Variants in PALS2 observed in about 807,000 individuals in gnomAD.
The protein encoded by PALS2 is protein associated with LIN7 2, MAGUK p55 family member, also known as protein PALS2.
Under a neutral mutation model 61.6 loss-of-function variants are expected in PALS2, and 27 were observed. The ratio of observed to expected loss-of-function variants is 0.44; its 90% CI spans 0.32 to 0.60. PALS2 has a LOEUF of 0.60. Among genes scored for constraint, PALS2 ranks in the 20% least tolerant of loss-of-function variants. PALS2 has a pLI of 0.05. For missense variants in PALS2, 554 were observed against 639.4 expected, an observed-to-expected ratio of 0.87 and a Z score of 1.44; for synonymous variants, 236 against 218.6, an observed-to-expected ratio of 1.08 and a Z score of -0.70.
At chr7:24,582,372 G>T (rs1290989927) in intron 1 of PALS2, among the ~76,000 whole-genome samples, 1 of 152,072 alleles carries the variant, frequency 6.6e-6, no homozygotes, top group Non-Finnish European at 1.5e-5. Flanking sequence ...CCAATCTGGT[G>T]ATATGGTGAG....
At chr7:24,581,059 G>T (rs1198987764) in intron 1 of PALS2, among the ~76,000 whole-genome samples, 1 of 152,142 alleles carries the variant, frequency 6.6e-6, no homozygotes, top group African/African-American at 2.4e-5. Flanking sequence ...TTTGAAATCA[G>T]TATAATTGGG....
intron 2 of PALS2, among the ~76,000 whole-genome samples, chr7:24,639,752 A>T (rs1785422817): frequency 7.2e-6 from 1 of 138,156 alleles, no homozygotes; most frequent in Admixed American, 7.2e-5. Flanking sequence ...TCTGGCTTGT[A>T]TTATATGTTC....
At chr7:24,625,383 T>C (rs886145595) in intron 2 of PALS2, among the ~76,000 whole-genome samples, 4 of 152,224 alleles carry the variant, frequency 2.6e-5, no homozygotes, top group Admixed American at 6.5e-5. Flanking sequence ...TTTGCAAAGG[T>C]CTTTAAAATA....
intron 5 of PALS2, among the ~76,000 whole-genome samples, chr7:24,656,505 AATTT>A (rs1461570625): frequency 3.9e-5 from 6 of 152,048 alleles, no homozygotes; most frequent in South Asian, 2.1e-4. Context: ...CACTCCCAGA[AATTT>A]ATTTGTGTCC....
intron 5 of PALS2, among the ~76,000 whole-genome samples, chr7:24,653,684 A>T (rs960744032): frequency 2.0e-5 from 3 of 152,122 alleles, no homozygotes; most frequent in Admixed American, 6.5e-5. Flanking sequence ...AACAGATGAT[A>T]AAAAAAATCT....
At position 24,603,769 on chromosome 7, in the gene PALS2, C is replaced by T. The variant is rs556821527; in HGVS notation, c.-2-19897C>T. On this transcript the variant is annotated intron_variant, in intron 1 of 11. Coordinates refer to ENST00000222644, the MANE Select transcript of PALS2 (RefSeq NM_001303037.2). ...TAAAAATAAGAATTAAAATATTAAA[C>T]GGATGTCCTGACAGCATACCTTGGA... 4.6e-5 allele frequency among the ~76,000 whole-genome samples: 7 copies of T among 152,054 alleles called. No individual in the cohort carries two copies. In the South Asian group the frequency reaches 1.0e-3, roughly 23 times the overall value.
At chr7:24,589,421 G>A (rs556588154) in intron 1 of PALS2, 2 of 152,284 alleles carry the variant, frequency 1.3e-5, no homozygotes, top group African/African-American at 4.8e-5. Flanking sequence ...AAGCATTACT[G>A]TTGCAGCTGC....
intron 8 of PALS2, 104 bp downstream of exon 8, chr7:24,666,193 T>A: frequency 1.0e-6 from 1 of 988,472 alleles, no homozygotes; most frequent in Non-Finnish European, 1.5e-6. Flanking sequence ...TAATTCAGAT[T>A]AGTACCTAGT....
chr7:24,590,638 A>G (rs533976002), intron 1 of PALS2, among the ~76,000 whole-genome samples: 6 of 152,184 alleles, frequency 3.9e-5, no homozygotes, highest in African/African-American at 1.4e-4. Flanking sequence ...TACTCTTACA[A>G]AGTAGGGGTT....
chr7:24,667,917 C>T (rs1047867560), intron 8 of PALS2, among the ~76,000 whole-genome samples: 1 of 151,990 alleles, frequency 6.6e-6, no homozygotes, highest in African/African-American at 2.4e-5. Flanking sequence ...TCGCCCACCT[C>T]GGCCTGCGAA....
chr7:24,667,726 G>A (rs900330211), intron 8 of PALS2, among the ~76,000 whole-genome samples: 7 of 141,994 alleles, frequency 4.9e-5, no homozygotes, highest in African/African-American at 1.1e-4. Context: ...GTGCAGTGGC[G>A]CAATCTCGTC....
intron 1 of PALS2, among the ~76,000 whole-genome samples, chr7:24,594,089 A>T (rs1260255539): frequency 6.6e-6 from 1 of 152,116 alleles, no homozygotes; most frequent in Non-Finnish European, 1.5e-5. Context: ...CAGCTTCTAC[A>T]TTGGCACTTG....
chr7:24,615,633 G>A (rs1047239897), intron 1 of PALS2, among the ~76,000 whole-genome samples: 1 of 151,712 alleles, frequency 6.6e-6, no homozygotes, highest in Non-Finnish European at 1.5e-5. Flanking sequence ...TCCAGGACTG[G>A]ATGGCTTCAC....
rs1046641786 is a variant in PALS2, at chr7:24,587,305, AATTATTAAATTATT to A, written c.-3+13725_-3+13738del. 2.0e-5 allele frequency among the ~76,000 whole-genome samples: 3 copies of A among 152,028 alleles called. No homozygotes were observed. The South Asian group carries it at 6.2e-4, about 32-fold the overall frequency. On this transcript the variant is annotated intron_variant, in intron 1 of 11. Coordinates refer to ENST00000222644, the MANE Select transcript of PALS2 (RefSeq NM_001303037.2). ...AGGGGAAAGAGCAGAGGAACTTTTA[AATTATTAAATTATT>A]ATTATTAAATTAGAGGAACTGAGAA...
intron 1 of PALS2, among the ~76,000 whole-genome samples, chr7:24,579,929 G>T (rs1171579593): frequency 6.6e-6 from 1 of 152,098 alleles, no homozygotes; most frequent in African/African-American, 2.4e-5. Context: ...AGTTGGGTAG[G>T]ATTAATATTT....
chr7:24,667,654 TA>T (rs1476451349), intron 8 of PALS2, among the ~76,000 whole-genome samples: 3 of 142,178 alleles, frequency 2.1e-5, no homozygotes, highest in African/African-American at 7.8e-5. Context: ...CTTGATTAGA[TA>T]AATTTTTTTT....
intron 5 of PALS2, among the ~76,000 whole-genome samples, chr7:24,651,917 T>G (rs1786172887): frequency 6.6e-6 from 1 of 152,240 alleles, no homozygotes; most frequent in South Asian, 2.1e-4. Context: ...ATAGATTATT[T>G]AGTCATTAAT....
chr7:24,685,069 C>T (rs1788124731), intron 11 of PALS2, among the ~76,000 whole-genome samples: 1 of 152,006 alleles, frequency 6.6e-6, no homozygotes, highest in East Asian at 1.9e-4. Context: ...AGGTATTTAG[C>T]CCAACATCCA....
chr7:24,645,361 T>TATTG, intron 3 of PALS2, among the ~76,000 whole-genome samples: 1 of 152,338 alleles, frequency 6.6e-6, no homozygotes, highest in Non-Finnish European at 1.5e-5. Context: ...CAGCACCATT[T>TATTG]ATTGAATAGG....
Sources: allele counts gnomAD v4.1 joint callset (sites outside exome capture counted in the v4.1 genomes callset), GRCh38; gene constraint gnomAD v4.1.1; transcripts MANE v1.5; gene names NCBI Gene and HGNC (gene_info 2026-07-23, HGNC 2026-07-21).